The following UBN2 variants were observed in gnomAD, a reference collection of about 807,000 sequenced individuals.
UBN2 encodes ubinuclein 2, also known as ubinuclein-2.
A neutral mutation model predicts 120.2 loss-of-function variants in UBN2; 35 were observed. The ratio of observed to expected loss-of-function variants is 0.29; its 90% CI spans 0.22 to 0.39. UBN2 has a LOEUF of 0.39. UBN2 is among the 10% of genes least tolerant of loss of function. The pLI is 1.00. For missense variants in UBN2, 1,693 were observed against 1,663.2 expected, an observed-to-expected ratio of 1.02 and a Z score of -0.31; for synonymous variants, 661 against 648.7, an observed-to-expected ratio of 1.02 and a Z score of -0.29.
At chr7:139,312,072 C>T (rs536094896), downstream of UBN2, among the ~76,000 whole-genome samples, 4 of 152,158 alleles carry the variant, frequency 2.6e-5, no homozygotes, top group South Asian at 2.1e-4. Flanking sequence ...CAAAGTAATG[C>T]GTCAATCATA....
chr7:139,323,805 G>C, the UBN2 span, among the ~76,000 whole-genome samples: 2 of 151,954 alleles, frequency 1.3e-5, no homozygotes, highest in African/African-American at 4.8e-5. Context: ...GGCCAGGCTG[G>C]TCTCGAATGG....
At chr7:139,232,921 G>A (rs553934895) in intron 1 of UBN2, among the ~76,000 whole-genome samples, 7 of 152,288 alleles carry the variant, frequency 4.6e-5, no homozygotes, top group Admixed American at 4.6e-4. Flanking sequence ...AAGTAAGTTA[G>A]AAAAGGAAAT....
chr7:139,238,267 A>G (rs933684496), intron 2 of UBN2, among the ~76,000 whole-genome samples: 12 of 152,100 alleles, frequency 7.9e-5, no homozygotes, highest in African/African-American at 2.9e-4. Flanking sequence ...AGGGATCTTG[A>G]CCCATATGTG....
chr7:139,311,400 G>A (rs993656438), downstream of UBN2, among the ~76,000 whole-genome samples: 36 of 152,144 alleles, frequency 2.4e-4, no homozygotes, highest in Admixed American at 1.3e-3. Context: ...ATCTTTTCTA[G>A]TAGGGTGGCG....
chr7:139,252,753 C>T (rs1306505756), intron 3 of UBN2, among the ~76,000 whole-genome samples: 3 of 151,826 alleles, frequency 2.0e-5, no homozygotes, highest in Non-Finnish European at 4.4e-5. Flanking sequence ...CCATCCTCAC[C>T]CCTTGCTCAA....
chr7:139,318,913 G>A, the UBN2 span, among the ~76,000 whole-genome samples: 8 of 152,100 alleles, frequency 5.3e-5, no homozygotes, highest in African/African-American at 1.7e-4. Flanking sequence ...TGGTGGCTAA[G>A]GACTCTTGCG....
chr7:139,257,905 C>A (rs1796809225), intron 3 of UBN2, among the ~76,000 whole-genome samples: 1 of 152,174 alleles, frequency 6.6e-6, no homozygotes, highest in African/African-American at 2.4e-5. Flanking sequence ...CCTGTCTCAG[C>A]CTCCTGAGTC....
At chr7:139,327,141 A>T in the UBN2 span, among the ~76,000 whole-genome samples, 2 of 152,036 alleles carry the variant, frequency 1.3e-5, no homozygotes, top group Non-Finnish European at 2.9e-5. Flanking sequence ...TCAAGCGATT[A>T]TCCTGCCTCA....
chr7:139,309,457 C>T (rs145047262), downstream of UBN2, among the ~76,000 whole-genome samples: 1,644 of 152,224 alleles, frequency 0.011, 14 homozygotes, highest in Non-Finnish European at 0.016. Context: ...TTTGCCAAAA[C>T]GAGAAAACCC....
At chr7:139,279,419 C>T (rs932281016) in intron 13 of UBN2, 59 bp downstream of exon 13, 19 of 1,339,556 alleles carry the variant, frequency 1.4e-5, no homozygotes, top group Admixed American at 1.9e-5. Context: ...AAATACATTC[C>T]TAAGATGAAA....
In UBN2 at chr7:139,304,651, A is replaced by G. The variant is rs1798326347; in HGVS notation, c.*6815A>G. The stretch of plus-strand genomic sequence containing the variant: ...AGAAAGCACCAGGTCCAAGCAGACA[A>G]AGCATCTGGTTAATTTCCAGAATTG... On this transcript the variant is annotated 3_prime_UTR_variant, in exon 18 of 18. Coordinates refer to ENST00000473989, the MANE Select transcript of UBN2 (RefSeq NM_173569.4). The G allele has an allele frequency of 6.6e-6, 1 of 151,428 alleles. No homozygotes were observed. Among genetic ancestry groups the G allele is most frequent in the Non-Finnish European group, 1.5e-5 (1 of 68,024 alleles). 9.4% of individuals were successfully genotyped at this position (151,428 alleles called of 1,614,324 possible).
chr7:139,279,906 CA>C (rs1481440542), intron 13 of UBN2, among the ~76,000 whole-genome samples: 1 of 152,182 alleles, frequency 6.6e-6, no homozygotes, highest in Non-Finnish European at 1.5e-5. Context: ...AGAAATCCAG[CA>C]ACCAGCAGAG....
Position 139,251,936 on chromosome 7 carries a change from A to G in UBN2, c.562-20A>G, listed in dbSNP as rs764931589. 16 of 1,604,902 alleles carry G rather than the reference A, an allele frequency of 1.0e-5. 1 individual carries two copies. The Admixed American group carries it at 2.7e-4, about 27-fold the overall frequency. ...AACAGCATGAGTACCAAATCAGTCTAATGTATCTGTTCTTTGCAGGGTGGG... is the reference window on the plus strand; with the variant it reads ...AACAGCATGAGTACCAAATCAGTCTGATGTATCTGTTCTTTGCAGGGTGGG... On this transcript the variant is annotated intron_variant, in intron 2 of 17. Coordinates refer to ENST00000473989, the MANE Select transcript of UBN2 (RefSeq NM_173569.4).
intron 1 of UBN2, among the ~76,000 whole-genome samples, chr7:139,235,698 C>T (rs1008108973): frequency 4.6e-5 from 7 of 152,162 alleles, no homozygotes; most frequent in Non-Finnish European, 8.8e-5. Flanking sequence ...TGAGCCACTG[C>T]GCCTGGCCTT....
chr7:139,266,226 C>CA (rs377760158), intron 6 of UBN2, 107 bp from the exon 7 acceptor site: 28,674 of 343,972 alleles, frequency 0.083, 228 homozygotes, highest in African/African-American at 0.14. Flanking sequence ...GGCCCTATCT[C>CA]AAAAAAAAAA....
chr7:139,237,300 T>A (rs1796190285), intron 2 of UBN2, among the ~76,000 whole-genome samples: 1 of 152,176 alleles, frequency 6.6e-6, no homozygotes, highest in Non-Finnish European at 1.5e-5. Flanking sequence ...TTTTTATTTT[T>A]ATTTATTTAT....
chr7:139,274,177 C>A, intron 11 of UBN2, 103 bp downstream of exon 11: 1 of 1,189,962 alleles, frequency 8.4e-7, no homozygotes, highest in Non-Finnish European at 1.1e-6. Flanking sequence ...TTGCTAAGAA[C>A]CTAATATATT....
Position 139,281,693 on chromosome 7 carries a change from G to T in UBN2, c.2068-312G>T, listed in dbSNP as rs538186398. Among the ~76,000 whole-genome samples the T allele has an allele frequency of 7.2e-5, 11 of 152,270 alleles. 1 individual carries two copies. The highest frequency in any genetic ancestry group is 2.6e-4 in the African/African-American group (11 of 41,560). The stretch of plus-strand genomic sequence containing the variant: ...TTTATAAATAAAAATTAATCAAAAA[G>T]TTATTTTAAAACAGCAGTTTTATAC... On this transcript the variant is annotated intron_variant, in intron 13 of 17. Transcript: ENST00000473989.
intron 2 of UBN2, among the ~76,000 whole-genome samples, chr7:139,244,957 A>C (rs549882591): frequency 9.2e-5 from 14 of 152,090 alleles, no homozygotes; most frequent in African/African-American, 3.4e-4. Flanking sequence ...TTTATTTTGG[A>C]GACAAGGTCT....
Sources: gnomAD v4.1 joint callset for allele counts (sites outside exome capture counted in the v4.1 genomes callset) on GRCh38, gnomAD v4.1.1 for gene constraint, MANE v1.5 for transcripts, NCBI Gene and HGNC (gene_info 2026-07-23, HGNC 2026-07-21) for gene names.